RAB3GAP2: variants seen among roughly 807,000 people sequenced by gnomAD.
RAB3GAP2 encodes rab3 GTPase-activating protein non-catalytic subunit.
In RAB3GAP2, 87 loss-of-function variants were observed where a neutral mutation model predicts 185.3. The ratio of observed to expected loss-of-function variants is 0.47; its 90% CI spans 0.39 to 0.56. RAB3GAP2 has a LOEUF of 0.56. RAB3GAP2 is among the 20% of genes least tolerant of loss of function. RAB3GAP2 has a pLI of 0.00. For missense variants in RAB3GAP2, 1,492 were observed against 1,638.2 expected (o/e 0.91, Z 1.54); for synonymous variants, 554 against 576.1 (o/e 0.96, Z 0.55).
At position 220,195,375 on chromosome 1, in the gene RAB3GAP2, T is replaced by G; in HGVS notation, c.963A>C (p.Gly321=). 1 of 1,610,886 alleles carries G rather than the reference T, an allele frequency of 6.2e-7. No homozygotes were observed. The highest frequency in any genetic ancestry group is 8.5e-7 in the Non-Finnish European group (1 of 1,177,274). Reference sequence around the variant, plus strand: ...CATGGGATAATAATGGTTGTGTGCTTCCCTGAAAAACAGAACATTTGAAAG... The same window carrying G: ...CATGGGATAATAATGGTTGTGTGCTGCCCTGAAAAACAGAACATTTGAAAG... ...PFTGFFYALE[G]STQPLLSHVA... is the part of the protein sequence containing the mutation. The change falls in exon 11 of 35, where the codon GGA becomes GGC. Residue 321 remains glycine (G), a splice_region_variant and synonymous_variant. Transcript: ENST00000358951.
In RAB3GAP2 at chr1:220,148,748, C is replaced by CTGT. The variant is rs1037721243; in HGVS notation, c.*2500_*2502dup. 3 of 150,580 alleles carry CTGT rather than the reference C, an allele frequency of 2.0e-5. No individual in the cohort carries two copies. The highest frequency in any genetic ancestry group is 7.4e-5 in the African/African-American group (3 of 40,518). 9.3% of individuals were successfully genotyped at this position (150,580 alleles called of 1,614,324 possible). Reference sequence around the variant, plus strand: ...ATAATAAAAGTAAAACTTTTTTTTTCTGTTTGCAAAAGTATGAAGCATTAA... The same window carrying CTGT: ...ATAATAAAAGTAAAACTTTTTTTTTCTGTTGTTTGCAAAAGTATGAAGCATTAA... On this transcript the variant is annotated 3_prime_UTR_variant, in exon 35 of 35. Transcript: ENST00000358951.
At chr1:220,238,561 G>C (rs991069848) in intron 1 of RAB3GAP2, among the ~76,000 whole-genome samples, 1 of 152,134 alleles carries the variant, frequency 6.6e-6, no homozygotes, top group Non-Finnish European at 1.5e-5. Context: ...AATATGCAAA[G>C]CACTTTTACA....
rs1408446376 is a variant in RAB3GAP2 at position 220,272,386 on chromosome 1, GC to G, written c.-50del. On this transcript the variant is annotated 5_prime_UTR_variant, in exon 1 of 35. Transcript: ENST00000358951. Reference sequence around the variant, plus strand: ...CACTCACCTTACCTCACCACGCCCTGCCCCCTCCACCCCACTGCGGCCGCCA... The same window carrying G: ...CACTCACCTTACCTCACCACGCCCTGCCCCTCCACCCCACTGCGGCCGCCA... The G allele has an allele frequency of 1.5e-6, 2 of 1,374,636 alleles. No individual in the cohort carries two copies. The highest frequency in any genetic ancestry group is 1.4e-5 in the African/African-American group (1 of 70,078). The allele number at this position is 1,374,636 out of a possible 1,614,324, so 85.2% of individuals were successfully genotyped here.
chr1:220,200,295 A>G (rs1658824954), intron 9 of RAB3GAP2, among the ~76,000 whole-genome samples: 2 of 152,042 alleles, frequency 1.3e-5, no homozygotes, highest in Non-Finnish European at 2.9e-5. Context: ...TCACTAGTCT[A>G]CCTAAAGCAC....
intron 2 of RAB3GAP2, among the ~76,000 whole-genome samples, chr1:220,229,559 C>T (rs750621901): frequency 6.6e-6 from 1 of 152,152 alleles, no homozygotes; most frequent in Non-Finnish European, 1.5e-5. Flanking sequence ...ACTAAACTAA[C>T]CCAATTAATA....
chr1:220,245,377 G>T (rs1482949168), intron 1 of RAB3GAP2, among the ~76,000 whole-genome samples: 5 of 152,328 alleles, frequency 3.3e-5, no homozygotes, highest in South Asian at 2.1e-4. Flanking sequence ...GGTCAGGGAG[G>T]TCCCTTTGCG....
At chr1:220,264,332 G>A (rs1000417397) in intron 1 of RAB3GAP2, among the ~76,000 whole-genome samples, 1 of 151,920 alleles carries the variant, frequency 6.6e-6, no homozygotes. Context: ...TAAACAAAAA[G>A]TAAAATTTGG....
At chr1:220,225,762 T>C (rs1341940340) in intron 2 of RAB3GAP2, among the ~76,000 whole-genome samples, 4 of 152,228 alleles carry the variant, frequency 2.6e-5, no homozygotes, top group African/African-American at 9.6e-5. Flanking sequence ...GAGGATAACC[T>C]AGGGCATATC....
At chr1:220,159,310 C>T (rs1247833944) in intron 29 of RAB3GAP2, 76 bp downstream of exon 29, 2 of 1,229,916 alleles carry the variant, frequency 1.6e-6, no homozygotes, top group Non-Finnish European at 2.4e-6. Flanking sequence ...GCAAAGTTCA[C>T]CTATACAGTT....
chr1:220,252,660 G>A (rs1659958684), intron 1 of RAB3GAP2, among the ~76,000 whole-genome samples: 1 of 152,180 alleles, frequency 6.6e-6, no homozygotes, highest in Non-Finnish European at 1.5e-5. Context: ...CCCTACCTGG[G>A]AAACCACACT....
intron 1 of RAB3GAP2, among the ~76,000 whole-genome samples, chr1:220,251,700 G>C (rs1445194714): frequency 3.3e-5 from 5 of 152,214 alleles, no homozygotes; most frequent in Admixed American, 1.3e-4. Flanking sequence ...CCAATTTTTA[G>C]AGTAATTTGG....
In RAB3GAP2 at chr1:220,151,375, G is replaced by A. The variant is rs1390262429; in HGVS notation, c.4058C>T (p.Pro1353Leu). 2 of 1,613,982 alleles carry A rather than the reference G, an allele frequency of 1.2e-6. No homozygotes were observed. Among genetic ancestry groups the A allele is most frequent in the African/African-American group, 2.7e-5 (2 of 74,894 alleles). The change falls in exon 35 of 35, where the codon CCA (proline) becomes CTA (leucine). Residue 1353 changes from proline (P) to leucine (L), a missense_variant. By Grantham distance (98) the Pro-to-Leu change is moderately conservative. Around this residue, in one of 5 missense-constraint regions of RAB3GAP2, gnomAD observed 387 missense variants for 455.3 expected, o/e 0.85. Coordinates refer to ENST00000358951, the MANE Select transcript of RAB3GAP2 (RefSeq NM_012414.4). The part of the protein sequence containing the change: ...DPQDLQNTEV[P>L]IATTAKLVNK... ...TACTAGTTTAGCTGTTGTTGCAATT[G>A]GCACTTCAGTGTTTTGAAGGTCCTG...
chr1:220,169,101 A>G (rs1297816463), intron 24 of RAB3GAP2, among the ~76,000 whole-genome samples: 1 of 152,180 alleles, frequency 6.6e-6, no homozygotes, highest in Non-Finnish European at 1.5e-5. Flanking sequence ...TAATATTCAA[A>G]TGGCATCCTT....
intron 1 of RAB3GAP2, among the ~76,000 whole-genome samples, chr1:220,234,463 T>C (rs968174145): frequency 5.9e-5 from 9 of 152,370 alleles, no homozygotes; most frequent in African/African-American, 2.2e-4. Flanking sequence ...TAATCTTCTG[T>C]ACTTAAATGC....
chr1:220,207,375 C>A (rs1349563041), intron 7 of RAB3GAP2, among the ~76,000 whole-genome samples: 1 of 152,092 alleles, frequency 6.6e-6, no homozygotes, highest in Non-Finnish European at 1.5e-5. Context: ...TTTGCCAATC[C>A]AAAAGGTGAA....
At chr1:220,185,816 C>A in intron 17 of RAB3GAP2, 75 bp from the exon 18 acceptor site, 1 of 1,068,334 alleles carries the variant, frequency 9.4e-7, no homozygotes, top group Non-Finnish European at 1.4e-6. Context: ...TATTTATGCC[C>A]AAACTTTCAC....
intron 1 of RAB3GAP2, among the ~76,000 whole-genome samples, chr1:220,245,221 G>T (rs1387287496): frequency 6.6e-6 from 1 of 152,220 alleles, no homozygotes; most frequent in African/African-American, 2.4e-5. Flanking sequence ...GAGTGACACA[G>T]AAGACGGGTG....
Position 220,193,257 on chromosome 1 carries a change from G to T in RAB3GAP2, c.1253C>A (p.Ala418Glu). The T allele has an allele frequency of 6.2e-7, 1 of 1,613,944 alleles. No homozygotes were observed. Among genetic ancestry groups the T allele is most frequent in the Non-Finnish European group, 8.5e-7 (1 of 1,179,942 alleles). The change falls in exon 13 of 35, where the codon GCA becomes GAA. Residue 418 changes from alanine to glutamate, a missense_variant. Physicochemically the swap from Ala to Glu is moderately radical, Grantham distance 107 (BLOSUM62 -1). Transcript: ENST00000358951. ...AGAAGTACCTTTCCACATGCGTATT[G>T]CAATTCCTCTAGCTACATCCAATAA... ...VILLDVARGI[A>E]IRMWKGYRDA...
At chr1:220,235,018 C>T (rs1490857954) in intron 1 of RAB3GAP2, among the ~76,000 whole-genome samples, 11 of 152,076 alleles carry the variant, frequency 7.2e-5, no homozygotes, top group East Asian at 5.8e-4. Flanking sequence ...TTAAGTAGTT[C>T]GACCAAAATC....
Sources: gnomAD v4.1 joint callset for allele counts (sites outside exome capture counted in the v4.1 genomes callset) on GRCh38, gnomAD v4.1.1 for gene constraint, gnomAD v4.1.1 regional missense constraint, MANE v1.5 for transcripts, NCBI Gene and HGNC (gene_info 2026-07-23, HGNC 2026-07-21) for gene names.